The following MYO16 variants were observed in gnomAD, a reference collection of about 807,000 sequenced individuals.
The protein encoded by MYO16 is myosin XVI, also known as unconventional myosin-XVI.
In MYO16, 94 loss-of-function variants were observed where a neutral mutation model predicts 205.3. The observed-to-expected ratio is 0.46, with a 90% CI of 0.39 to 0.54. The LOEUF is 0.54. MYO16 is among the 20% of genes least tolerant of loss of function. MYO16 has a pLI of 0.00. For missense variants in MYO16, 2,315 were observed against 2,387.5 expected, an observed-to-expected ratio of 0.97 and a Z score of 0.63; for synonymous variants, 988 against 954.0, an observed-to-expected ratio of 1.04 and a Z score of -0.66.
intron 15 of MYO16, among the ~76,000 whole-genome samples, chr13:108,899,692 GCA>G (rs1156401202): frequency 1.3e-5 from 2 of 152,162 alleles, no homozygotes; most frequent in African/African-American, 4.8e-5. Flanking sequence ...GTAATACTGA[GCA>G]CAGTTTTCCC....
chr13:109,000,410 G>T lies in MYO16; in HGVS notation c.2442+7962G>T, dbSNP rs540271581. 2.2e-4 allele frequency among the ~76,000 whole-genome samples: 33 copies of T among 152,274 alleles called. 1 individual carries two copies. The South Asian group carries it at 6.4e-3, about 30-fold the overall frequency. On this transcript the variant is annotated intron_variant, in intron 21 of 34. Transcript: ENST00000457511. ...GGGAATTCAGAGGCAGATGTGTGAG[G>T]CCGCAGGAGCTGCTCCAGCACAGGC...
chr13:108,628,530 T>C (rs1310192262), upstream of MYO16, among the ~76,000 whole-genome samples: 1 of 152,210 alleles, frequency 6.6e-6, no homozygotes, highest in East Asian at 1.9e-4. Flanking sequence ...TGTGTTTACA[T>C]TGATACTCTG....
At chr13:108,529,284 G>A in the MYO16 span, among the ~76,000 whole-genome samples, 5 of 152,096 alleles carry the variant, frequency 3.3e-5, no homozygotes, top group Admixed American at 1.3e-4. Flanking sequence ...GTAGAGTTAC[G>A]TGCACCCTTT....
At chr13:108,976,791 A>T (rs1488589814) in intron 20 of MYO16, among the ~76,000 whole-genome samples, 3 of 152,174 alleles carry the variant, frequency 2.0e-5, no homozygotes, top group Non-Finnish European at 4.4e-5. Flanking sequence ...CTCTTTTTAT[A>T]TGCTATCTTT....
At chr13:108,589,182 T>A in the MYO16 span, among the ~76,000 whole-genome samples, 2 of 152,210 alleles carry the variant, frequency 1.3e-5, no homozygotes, top group South Asian at 4.1e-4. Flanking sequence ...TTATTTTTTC[T>A]CAAGGGCCCT....
At chr13:109,021,024 G>A (rs998461481) in intron 23 of MYO16, among the ~76,000 whole-genome samples, 9 of 152,084 alleles carry the variant, frequency 5.9e-5, no homozygotes, top group African/African-American at 2.2e-4. Flanking sequence ...GCAATGCGTG[G>A]CTTAAAAAAT....
At chr13:108,897,404 C>A (rs1397756356) in intron 14 of MYO16, among the ~76,000 whole-genome samples, 10 of 152,160 alleles carry the variant, frequency 6.6e-5, no homozygotes, top group Non-Finnish European at 4.4e-5. Flanking sequence ...CAGTCTGCAA[C>A]AAAGCACAGG....
At chr13:109,184,748 C>T (rs1879611168) in intron 34 of MYO16, among the ~76,000 whole-genome samples, 1 of 151,950 alleles carries the variant, frequency 6.6e-6, no homozygotes, top group African/African-American at 2.4e-5. Flanking sequence ...AGGCGCGTGC[C>T]ACCACACTTG....
intron 6 of MYO16, among the ~76,000 whole-genome samples, chr13:108,805,815 C>T (rs1887094679): frequency 6.6e-6 from 1 of 151,880 alleles, no homozygotes; most frequent in Admixed American, 6.6e-5. Context: ...CATGGTGGAT[C>T]ATGCCTGTAA....
chr13:108,588,072 T>C, the MYO16 span, among the ~76,000 whole-genome samples: 3 of 152,338 alleles, frequency 2.0e-5, no homozygotes, highest in Non-Finnish European at 4.4e-5. Flanking sequence ...ATACCATTTC[T>C]TAGGAATAAC....
intron 22 of MYO16, among the ~76,000 whole-genome samples, chr13:109,011,125 T>C (rs907852460): frequency 6.6e-6 from 1 of 151,802 alleles, no homozygotes; most frequent in Non-Finnish European, 1.5e-5. Flanking sequence ...AAAAACACTT[T>C]TGTGTGGCAA....
At chr13:109,011,313 CT>C (rs1156749789) in intron 22 of MYO16, among the ~76,000 whole-genome samples, 3 of 152,028 alleles carry the variant, frequency 2.0e-5, no homozygotes, top group African/African-American at 7.2e-5. Flanking sequence ...GTCATTATTG[CT>C]GAGTATCTTC....
chr13:108,505,127 G>A, the MYO16 span, among the ~76,000 whole-genome samples: 1 of 152,272 alleles, frequency 6.6e-6, no homozygotes, highest in East Asian at 1.9e-4. Context: ...GGGTGTGCAA[G>A]TATCTCTTCA....
chr13:108,671,181 A>T (rs932211531), intron 2 of MYO16, among the ~76,000 whole-genome samples: 1 of 152,182 alleles, frequency 6.6e-6, no homozygotes, highest in Non-Finnish European at 1.5e-5. Context: ...AAAGGACTGG[A>T]TAGAAAAGTC....
chr13:109,084,928 G>C (rs992389478), intron 27 of MYO16, among the ~76,000 whole-genome samples: 1 of 152,166 alleles, frequency 6.6e-6, no homozygotes, highest in African/African-American at 2.4e-5. Flanking sequence ...ATCTAGACCA[G>C]TCAGTGTGGG....
At chr13:108,606,820 G>C (rs191155321) in intron 1 of MYO16, among the ~76,000 whole-genome samples, 2 of 152,278 alleles carry the variant, frequency 1.3e-5, no homozygotes, top group Admixed American at 1.3e-4. Context: ...GACACTCAGT[G>C]CCAGCCCATG....
intron 15 of MYO16, among the ~76,000 whole-genome samples, chr13:108,902,685 A>G (rs1012032320): frequency 6.6e-6 from 1 of 152,126 alleles, no homozygotes; most frequent in Non-Finnish European, 1.5e-5. Flanking sequence ...GCATTGCTCC[A>G]GTCTCTGCCT....
In MYO16 at chr13:108,728,492, G is replaced by A. The variant is rs573532110; in HGVS notation, c.507+909G>A. On this transcript the variant is annotated intron_variant, in intron 4 of 34. Coordinates refer to ENST00000457511, the MANE Select transcript of MYO16 (RefSeq NM_001198950.3). ...GCACCCTTGCGGAGGTTAGGAGTCT[G>A]AAGTCAAGGTGTGGACAGGGCCGTG... Among the ~76,000 whole-genome samples, 5 of 152,300 alleles carry A rather than the reference G, an allele frequency of 3.3e-5. No individual in the cohort carries two copies. In the East Asian group the frequency reaches 9.7e-4, roughly 29 times the overall value.
intron 4 of MYO16, among the ~76,000 whole-genome samples, chr13:108,773,006 T>C (rs1886017447): frequency 1.3e-5 from 2 of 152,182 alleles, no homozygotes; most frequent in African/African-American, 4.8e-5. Flanking sequence ...AAATCCAAGA[T>C]CAAGTGCCAG....
Sources: allele counts gnomAD v4.1 joint callset (sites outside exome capture counted in the v4.1 genomes callset), GRCh38; gene constraint gnomAD v4.1.1; transcripts MANE v1.5; gene names NCBI Gene and HGNC (gene_info 2026-07-23, HGNC 2026-07-21).